The following NALF1 variants were observed in gnomAD, a reference collection of about 807,000 sequenced individuals.
NALF1 encodes family with sequence similarity 155 member A.
NALF1 carries 3 observed loss-of-function variants against 48.4 expected under a neutral mutation model. That is an observed-to-expected ratio of 0.06 (90% CI 0.03 to 0.16). NALF1 has a LOEUF of 0.16. Among genes scored for constraint, NALF1 ranks in the 10% least tolerant of loss-of-function variants. NALF1 has a pLI of 1.00. For synonymous variants in NALF1, 262 were observed against 245.7 expected, an observed-to-expected ratio of 1.07 and a Z score of -0.62; for missense variants, 526 against 571.5, an observed-to-expected ratio of 0.92 and a Z score of 0.81.
At chr13:107,831,747 A>C (rs9559171) in intron 1 of NALF1, among the ~76,000 whole-genome samples, 1 of 152,294 alleles carries the variant, frequency 6.6e-6, no homozygotes, top group East Asian at 1.9e-4. Flanking sequence ...GTTTGCGCGT[A>C]TTTGCAGCCC....
At chr13:107,659,144 C>CAT (rs1555315963) in intron 1 of NALF1, among the ~76,000 whole-genome samples, 1 of 151,854 alleles carries the variant, frequency 6.6e-6, no homozygotes, top group East Asian at 1.9e-4. Context: ...CACACACACA[C>CAT]GCACTCAAAC....
At chr13:107,803,857 C>G (rs959312453) in intron 1 of NALF1, among the ~76,000 whole-genome samples, 1 of 151,852 alleles carries the variant, frequency 6.6e-6, no homozygotes, top group South Asian at 2.1e-4. Context: ...CAAGGACACA[C>G]AGGTAAAATG....
intron 1 of NALF1, among the ~76,000 whole-genome samples, chr13:107,546,244 C>T (rs1434504676): frequency 1.3e-5 from 2 of 152,146 alleles, no homozygotes; most frequent in East Asian, 1.9e-4. Context: ...AGAGGGAAAG[C>T]TGCCACTTGA....
intron 1 of NALF1, among the ~76,000 whole-genome samples, chr13:107,685,313 A>G (rs1881408990): frequency 6.6e-6 from 1 of 152,162 alleles, no homozygotes; most frequent in Admixed American, 6.6e-5. Context: ...ACACCGTCTC[A>G]GGAAAAAAAC....
intron 1 of NALF1, among the ~76,000 whole-genome samples, chr13:107,764,867 G>A (rs561485316): frequency 1.3e-5 from 2 of 152,084 alleles, no homozygotes; most frequent in South Asian, 2.1e-4. Context: ...CTCTGCAGAC[G>A]GCTGCATTCA....
intron 1 of NALF1, among the ~76,000 whole-genome samples, chr13:107,418,901 GA>G (rs1379470047): frequency 3.9e-5 from 6 of 152,252 alleles, no homozygotes; most frequent in African/African-American, 1.4e-4. Context: ...CTTTGTTCCA[GA>G]AAATTGTTGA....
intron 1 of NALF1, among the ~76,000 whole-genome samples, chr13:107,614,764 CTTTTTTTT>C (rs1274084664): frequency 3.5e-5 from 5 of 142,934 alleles, no homozygotes; most frequent in East Asian, 2.0e-4. Context: ...CTCTTTTTTT[CTTTTTTTT>C]TTTTTCTTTC....
At chr13:107,594,272 T>A (rs968659957) in intron 1 of NALF1, among the ~76,000 whole-genome samples, 2 of 152,028 alleles carry the variant, frequency 1.3e-5, no homozygotes, top group Non-Finnish European at 2.9e-5. Flanking sequence ...ATTAACACTC[T>A]CTCCTTTACC....
At chr13:107,585,693 C>A (rs1433616372) in intron 1 of NALF1, among the ~76,000 whole-genome samples, 8 of 152,114 alleles carry the variant, frequency 5.3e-5, no homozygotes, top group African/African-American at 1.9e-4. Context: ...ACCCAGCTGA[C>A]AGCCTCTGCC....
chr13:107,447,233 T>C (rs1884665431), intron 1 of NALF1, among the ~76,000 whole-genome samples: 1 of 152,024 alleles, frequency 6.6e-6, no homozygotes. Flanking sequence ...TCTTCTTTCT[T>C]CCCCTTCTCC....
rs568505041 is a variant in NALF1, at chr13:107,390,353, A to AC, written c.916-179599_916-179598insG. ...GAGTGAGACTCTGTCTCAAAAAAGA[A>AC]AAAAAAAAAGGAAAGATTATTAAAA... On this transcript the variant is annotated intron_variant, in intron 1 of 2. Transcript: ENST00000375915. Among the ~76,000 whole-genome samples, 487 of 150,210 alleles carry AC rather than the reference A, an allele frequency of 3.2e-3. 3 individuals are homozygous for AC. The highest frequency in any genetic ancestry group is 0.011 in the African/African-American group (433 of 40,938).
intron 1 of NALF1, among the ~76,000 whole-genome samples, chr13:107,660,485 A>AC (rs1183006530): frequency 7.5e-5 from 8 of 107,006 alleles, no homozygotes; most frequent in South Asian, 3.3e-4. Context: ...ACACACACAC[A>AC]ACAAAGAAAC....
chr13:107,605,891 C>T (rs944681081), intron 1 of NALF1, among the ~76,000 whole-genome samples: 2 of 152,162 alleles, frequency 1.3e-5, no homozygotes, highest in Admixed American at 6.5e-5. Flanking sequence ...CCCTTATGCA[C>T]CAGTTAATTC....
At position 107,548,935 on chromosome 13, in the gene NALF1, G is replaced by A. The variant is rs1877212156; in HGVS notation, c.915+316747C>T. Among the ~76,000 whole-genome samples, 3 of 152,132 alleles carry A rather than the reference G, an allele frequency of 2.0e-5. No individual in the cohort carries two copies. The South Asian group carries it at 6.2e-4, about 32-fold the overall frequency. On this transcript the variant is annotated intron_variant, in intron 1 of 2. Transcript: ENST00000375915. ...ATTATGCAGTTTCTGGGTGAGAAAT[G>A]TAATTGTGAAAAGTGCATCTTGGTC...
intron 1 of NALF1, among the ~76,000 whole-genome samples, chr13:107,325,921 T>TCACA (rs1566485886): frequency 7.4e-6 from 1 of 134,498 alleles, no homozygotes; most frequent in Non-Finnish European, 1.6e-5. Flanking sequence ...TATACATATA[T>TCACA]CACACATATA....
At chr13:107,191,996 A>G (rs1345315572) in intron 2 of NALF1, among the ~76,000 whole-genome samples, 1 of 151,912 alleles carries the variant, frequency 6.6e-6, no homozygotes, top group Non-Finnish European at 1.5e-5. Context: ...CTGTGTTCTT[A>G]TAAGAAATAC....
chr13:107,274,543 C>A (rs925243064), intron 1 of NALF1, among the ~76,000 whole-genome samples: 8 of 151,914 alleles, frequency 5.3e-5, no homozygotes, highest in South Asian at 4.2e-4. Context: ...GCCCAGGTGA[C>A]AAGACGAGAC....
intron 1 of NALF1, among the ~76,000 whole-genome samples, chr13:107,580,234 G>A (rs1219459704): frequency 6.6e-6 from 1 of 152,156 alleles, no homozygotes. Flanking sequence ...ACTCATAGGT[G>A]GGAATTGAAC....
At chr13:107,208,804 TCTCAAA>T (rs1879695803) in intron 2 of NALF1, among the ~76,000 whole-genome samples, 1 of 152,138 alleles carries the variant, frequency 6.6e-6, no homozygotes, top group African/African-American at 2.4e-5. Context: ...GTGAATTTTG[TCTCAAA>T]CTCAAAGCAA....
Sources: gnomAD v4.1 joint callset for allele counts (sites outside exome capture counted in the v4.1 genomes callset) on GRCh38, gnomAD v4.1.1 for gene constraint, MANE v1.5 for transcripts, NCBI Gene and HGNC (gene_info 2026-07-23, HGNC 2026-07-21) for gene names.